The following TRIO variants were observed in gnomAD, a reference collection of about 807,000 sequenced individuals.
TRIO encodes the protein trio Rho guanine nucleotide exchange factor, also known as triple functional domain protein.
Under a neutral mutation model 351.9 loss-of-function variants are expected in TRIO, and 58 were observed. That is an observed-to-expected ratio of 0.16 (90% CI 0.13 to 0.21). The LOEUF (loss-of-function observed/expected upper bound fraction) is 0.21. TRIO is among the 10% of genes least tolerant of loss of function. The pLI is 1.00. For synonymous variants in TRIO, 1,758 were observed against 1,595.7 expected (o/e 1.10, Z -2.42); for missense variants, 3,201 against 4,027.8 (o/e 0.79, Z 5.56).
Position 14,316,892 on chromosome 5 carries a change from G to T in TRIO, c.1731+149G>T, listed in dbSNP as rs900199266. The T allele has an allele frequency of 2.9e-5, 27 of 945,670 alleles. 1 individual carries two copies. In the Middle Eastern group the frequency reaches 8.2e-4, roughly 29 times the overall value. The allele number at this position is 945,670 out of a possible 1,614,324, so 58.6% of individuals were successfully genotyped here. The stretch of plus-strand genomic sequence containing the variant: ...TTTTTGTTGAATGTAAGTGAAAACT[G>T]GGCTTAGGAACGCGTGTTCAGGCTG... On this transcript the variant is annotated intron_variant, in intron 9 of 56. Transcript: ENST00000344204.
chr5:14,461,026 C>T lies in TRIO; in HGVS notation c.5211C>T (p.Leu1737=), dbSNP rs767204514. The change falls in exon 35 of 57, where the codon CTC becomes CTT. Residue 1737 remains leucine, a synonymous_variant. Coordinates refer to ENST00000344204, the MANE Select transcript of TRIO (RefSeq NM_007118.4). ...TCTCTTTCTCCCTGGCAGACTCGCT[C>T]TCCGTCTCCAGCAATGACGCCAGTC... ...MEGIFNHKDS[L]SVSSNDASPP... 2.0e-5 allele frequency: 32 copies of T among 1,569,420 alleles called. No individual in the cohort carries two copies. The highest frequency in any genetic ancestry group is 4.1e-5 in the African/African-American group (3 of 73,464).
intron 1 of TRIO, among the ~76,000 whole-genome samples, chr5:14,172,839 C>G (rs1463443136): frequency 2.6e-5 from 4 of 152,218 alleles, no homozygotes; most frequent in Non-Finnish European, 5.9e-5. Context: ...TAGGTGCTAT[C>G]TTGAGGCAGG....
intron 29 of TRIO, among the ~76,000 whole-genome samples, chr5:14,398,164 T>TA (rs1190939789): frequency 6.6e-6 from 1 of 151,510 alleles, no homozygotes; most frequent in Non-Finnish European, 1.5e-5. Context: ...ACTATGAGAG[T>TA]AAAAAGAGAG....
intron 34 of TRIO, among the ~76,000 whole-genome samples, chr5:14,456,950 A>C (rs1201126293): frequency 6.6e-6 from 1 of 152,226 alleles, no homozygotes; most frequent in Non-Finnish European, 1.5e-5. Flanking sequence ...TTGTATCACA[A>C]CCCAGCAAAG....
At position 14,494,235 on chromosome 5, in the gene TRIO, A is replaced by G. The variant is rs375779640; in HGVS notation, c.7880+1421A>G. Among the ~76,000 whole-genome samples the G allele has an allele frequency of 4.6e-5, 7 of 152,242 alleles. No individual in the cohort carries two copies. The East Asian group carries it at 7.7e-4, about 17-fold the overall frequency. On this transcript the variant is annotated intron_variant, in intron 49 of 56. Coordinates refer to ENST00000344204, the MANE Select transcript of TRIO (RefSeq NM_007118.4). ...ACATGAAGCCGGTTTTGCTGCACTGAGTATTATTTTACTGAATTTGATGGC... is the reference window on the plus strand; with the variant it reads ...ACATGAAGCCGGTTTTGCTGCACTGGGTATTATTTTACTGAATTTGATGGC...
In TRIO at chr5:14,222,443, C is replaced by T. The variant is rs111298204; in HGVS notation, c.158-48382C>T. Among the ~76,000 whole-genome samples, 1,372 of 152,282 alleles carry T rather than the reference C, an allele frequency of 9.0e-3. 8 individuals are homozygous for T. Among genetic ancestry groups the T allele is most frequent in the Non-Finnish European group, 0.015 (1,029 of 68,016 alleles). On this transcript the variant is annotated intron_variant, in intron 1 of 56. Transcript: ENST00000344204. ...GTTAGATGATGTCTTAGTTCCCTTT[C>T]ATCGCAACCTCATTTTGTATTGTTT...
chr5:14,388,794 T>C, intron 24 of TRIO, 115 bp downstream of exon 24: 1 of 1,230,142 alleles, frequency 8.1e-7, no homozygotes, highest in Non-Finnish European at 1.1e-6. Context: ...TTTCTGTCAT[T>C]TTTTTAAATG....
chr5:14,402,340 C>G (rs978716277), intron 31 of TRIO, among the ~76,000 whole-genome samples: 8 of 152,196 alleles, frequency 5.3e-5, no homozygotes, highest in Non-Finnish European at 8.8e-5. Context: ...GTACAGTTGA[C>G]AAATAAGACT....
intron 34 of TRIO, chr5:14,441,075 G>T (rs1240267229): frequency 2.0e-5 from 3 of 152,366 alleles, no homozygotes; most frequent in Non-Finnish European, 4.4e-5. Flanking sequence ...GGCGCCGGCC[G>T]CTGAGCAACA....
intron 18 of TRIO, 52 bp from the exon 19 acceptor site, chr5:14,374,177 A>C: frequency 1.4e-6 from 2 of 1,418,368 alleles, no homozygotes; most frequent in Middle Eastern, 1.8e-4. Context: ...TACTCCAAAT[A>C]CACGTTTGTA....
In TRIO at chr5:14,173,257, C is replaced by G. The variant is rs1209028294; in HGVS notation, c.157+29375C>G. Among the ~76,000 whole-genome samples, 3 of 131,316 alleles carry G rather than the reference C, an allele frequency of 2.3e-5. No individual in the cohort carries two copies. The Admixed American group carries it at 2.6e-4, about 12-fold the overall frequency. The allele number at this position is 131,316 out of a possible 152,430, so 86.1% of individuals were successfully genotyped here. Reference sequence around the variant, plus strand: ...TATTTTTTTGAGACAGAAACACAGGCTGGAGTGCAGTGGCGAGATCTAGGC... The same window carrying G: ...TATTTTTTTGAGACAGAAACACAGGGTGGAGTGCAGTGGCGAGATCTAGGC... On this transcript the variant is annotated intron_variant, in intron 1 of 56. Coordinates refer to ENST00000344204, the MANE Select transcript of TRIO (RefSeq NM_007118.4).
chr5:14,388,893 A>G (rs1210973778), intron 24 of TRIO, among the ~76,000 whole-genome samples: 1 of 152,184 alleles, frequency 6.6e-6, no homozygotes, highest in Non-Finnish European at 1.5e-5. Flanking sequence ...ATGATACAGC[A>G]TTAATCCTCT....
At chr5:14,498,463 T>C (rs1433521326) in intron 52 of TRIO, 56 bp from the exon 53 acceptor site, 13 of 1,586,748 alleles carry the variant, frequency 8.2e-6, no homozygotes, top group Non-Finnish European at 1.0e-5. Context: ...AGGCCAGCGC[T>C]GATGGCCACG....
intron 46 of TRIO, among the ~76,000 whole-genome samples, chr5:14,483,275 A>G (rs927719716): frequency 2.0e-5 from 3 of 152,208 alleles, no homozygotes; most frequent in African/African-American, 7.2e-5. Context: ...GACAAAGAAA[A>G]TAATTGCCAA....
Position 14,471,353 on chromosome 5 carries a change from C to G in TRIO, c.5799C>G (p.Asp1933Glu). 1 of 1,614,048 alleles carries G rather than the reference C, an allele frequency of 6.2e-7. No individual in the cohort carries two copies. The highest frequency in any genetic ancestry group is 8.5e-7 in the Non-Finnish European group (1 of 1,179,998). ...LEDRPSSLLV[D>E]QGDSSSPSFN... Reference sequence around the variant, plus strand: ...ATCGCCCCAGCTCACTCCTTGTTGACCAGGGAGATAGTAGCAGCCCTTCCT... The same window carrying G: ...ATCGCCCCAGCTCACTCCTTGTTGAGCAGGGAGATAGTAGCAGCCCTTCCT... The change falls in exon 38 of 57, where the codon GAC becomes GAG. Residue 1933 changes from aspartate (D) to glutamate (E), a missense_variant. Around this residue, in one of 19 missense-constraint regions of TRIO, gnomAD observed 307 missense variants for 396.5 expected, o/e 0.77. Transcript: ENST00000344204.
Position 14,497,999 on chromosome 5 carries a change from T to G in TRIO, c.8048-90T>G. On this transcript the variant is annotated intron_variant, in intron 51 of 56. Coordinates refer to ENST00000344204, the MANE Select transcript of TRIO (RefSeq NM_007118.4). The surrounding 1 kb of genome is among the most constrained non-coding windows in gnomAD (Gnocchi z 4.4). ...TGGCGCTCTAGGCGTGCATAGCAGG[T>G]TAGGTCCTATCAATCTGTCGGGGAC... The G allele has an allele frequency of 6.2e-7, 1 of 1,610,166 alleles. No homozygotes were observed. The highest frequency in any genetic ancestry group is 8.5e-7 in the Non-Finnish European group (1 of 1,176,770).
chr5:14,509,966 C>T lies in TRIO; in HGVS notation c.*1544C>T, dbSNP rs1187509311. The T allele has an allele frequency of 2.0e-5, 3 of 152,156 alleles. No individual in the cohort carries two copies. The allele number at this position is 152,156 out of a possible 1,614,324, so 9.4% of individuals were successfully genotyped here. The stretch of plus-strand genomic sequence containing the variant: ...TCTTTTGTTGGGTTTTTGTTTGTTT[C>T]TTCTTGTAAAATTGTACAGAAACTT... On this transcript the variant is annotated 3_prime_UTR_variant, in exon 57 of 57. Transcript: ENST00000344204.
intron 6 of TRIO, among the ~76,000 whole-genome samples, chr5:14,296,746 C>T (rs981537651): frequency 6.6e-6 from 1 of 152,110 alleles, no homozygotes; most frequent in Admixed American, 6.5e-5. Flanking sequence ...GGACCCTGTT[C>T]AGTATTTGAA....
At chr5:14,436,253 CAA>C (rs1751581191) in intron 34 of TRIO, among the ~76,000 whole-genome samples, 1 of 152,134 alleles carries the variant, frequency 6.6e-6, no homozygotes, top group African/African-American at 2.4e-5. Context: ...GCAGGCAAAG[CAA>C]GAGAGAGCTT....
Sources: allele counts gnomAD v4.1 joint callset (sites outside exome capture counted in the v4.1 genomes callset), GRCh38; gene constraint gnomAD v4.1.1; regional missense constraint gnomAD v4.1.1; non-coding constraint Gnocchi (gnomAD v3.1); transcripts MANE v1.5; gene names NCBI Gene and HGNC (gene_info 2026-07-23, HGNC 2026-07-21).